Variants in CHMP4A observed in about 807,000 individuals in gnomAD.
CHMP4A encodes the protein charged multivesicular body protein 4A.
Under a neutral mutation model 28.2 loss-of-function variants are expected in CHMP4A, and 29 were observed. The ratio of observed to expected loss-of-function variants is 1.03; its 90% CI spans 0.77 to 1.40. The LOEUF (loss-of-function observed/expected upper bound fraction) is 1.40. CHMP4A is among the 40% of genes most tolerant of loss of function. The pLI is 0.00. For missense variants in CHMP4A, 241 were observed against 263.5 expected, an observed-to-expected ratio of 0.91 and a Z score of 0.59; for synonymous variants, 88 against 99.3, an observed-to-expected ratio of 0.89 and a Z score of 0.67.
chr14:24,210,854 T>C (rs1344351885), intron 3 of CHMP4A, 86 bp from the exon 4 acceptor site: 12 of 954,614 alleles, frequency 1.3e-5, no homozygotes, highest in Non-Finnish European at 2.0e-5. Context: ...CCTCCTGCCT[T>C]GCAGGGTCAC....
Position 24,213,443 on chromosome 14 carries a change from G to A in CHMP4A, c.-4C>T. The A allele has an allele frequency of 6.2e-7, 1 of 1,610,982 alleles. No homozygotes were observed. The highest frequency in any genetic ancestry group is 8.5e-7 in the Non-Finnish European group (1 of 1,179,120). The stretch of plus-strand genomic sequence containing the variant: ...AGAGCCTGCCGAGACCACTCATCGC[G>A]AGCTCGCCTCTCCCGCCTCCGCCCC... On this transcript the variant is annotated 5_prime_UTR_variant, in exon 1 of 6. Transcript: ENST00000347519.
intron 3 of CHMP4A, 128 bp downstream of exon 3, chr14:24,211,287 T>A: frequency 1.3e-6 from 1 of 796,674 alleles, no homozygotes; most frequent in Non-Finnish European, 1.9e-6. Context: ...AAGGGGCAGA[T>A]GGATGTCTAG....
chr14:24,212,753 G>C (rs1455537702), intron 1 of CHMP4A: 1 of 167,618 alleles, frequency 6.0e-6, no homozygotes, highest in African/African-American at 2.5e-5. Context: ...TTTTAGTAGA[G>C]ACAAGGTTTC....
intron 1 of CHMP4A, 170 bp from the exon 2 acceptor site, chr14:24,211,999 A>T (rs2039595740): frequency 3.6e-6 from 2 of 563,222 alleles, no homozygotes; most frequent in African/African-American, 3.7e-5. Flanking sequence ...AACCACAAAG[A>T]TGTTAAAAAT....
At position 24,211,782 on chromosome 14, in the gene CHMP4A, T is replaced by G; in HGVS notation, c.79A>C (p.Lys27Gln). The change falls in exon 2 of 6, where the codon AAG becomes CAG. Residue 27 changes from lysine to glutamine, a missense_variant. Physicochemically the swap from Lys to Gln is moderately conservative, Grantham distance 53. Transcript: ENST00000347519. The stretch of plus-strand genomic sequence containing the variant: ...TTGATCAGTATCTTCTCTGTCTCCT[T>G]CAGTTTCTGTATTGCTTCTTCAGGG... Reference protein sequence around the residue: ...PTPEEAIQKLKETEKILIKKQ... With the variant: ...PTPEEAIQKLQETEKILIKKQ... 6.2e-7 allele frequency: 1 copy of G among 1,614,204 alleles called. No homozygotes were observed. Among genetic ancestry groups the G allele is most frequent in the Non-Finnish European group, 8.5e-7 (1 of 1,180,048 alleles).
chr14:24,211,889 A>G lies in CHMP4A; in HGVS notation c.32-60T>C. 6 of 1,474,140 alleles carry G rather than the reference A, an allele frequency of 4.1e-6. 1 individual carries two copies. The South Asian group carries it at 6.2e-5, about 15-fold the overall frequency. 91.3% of individuals were successfully genotyped at this position (1,474,140 alleles called of 1,614,324 possible). A position where few individuals can be genotyped will look rare whatever the true frequency, so the allele number is the denominator to read the frequency against. On this transcript the variant is annotated intron_variant, in intron 1 of 5. Coordinates refer to ENST00000347519, the MANE Select transcript of CHMP4A (RefSeq NM_014169.5). The stretch of plus-strand genomic sequence containing the variant: ...GAAGGAAAAATATTAGCCACCAATC[A>G]TTGAATACATAGTATGTGCTAGAGA...
At position 24,210,675 on chromosome 14, in the gene CHMP4A, G is replaced by GC. The variant is rs779457072; in HGVS notation, c.452dup (p.Phe152LeufsTer4). ...TCACCTCATCCACATCATCTCCAAA[G>GC]CCCATAGGCCGAGAAATGGCATCTG... is the stretch of plus-strand genomic sequence containing the variant. On this transcript the variant is annotated frameshift_variant, in exon 4 of 6. Coordinates refer to ENST00000347519, the MANE Select transcript of CHMP4A (RefSeq NM_014169.5). LOFTEE classifies it high-confidence loss of function. The GC allele has an allele frequency of 4.3e-6, 7 of 1,613,620 alleles. No individual in the cohort carries two copies. The South Asian group carries it at 7.7e-5, about 18-fold the overall frequency.
Position 24,209,796 on chromosome 14 carries a change from T to A in CHMP4A, c.*81A>T. 7.2e-7 allele frequency: 1 copy of A among 1,391,922 alleles called. No homozygotes were observed. The highest frequency in any genetic ancestry group is 1.0e-6 in the Non-Finnish European group (1 of 978,786). The allele number at this position is 1,391,922 out of a possible 1,614,324, so 86.2% of individuals were successfully genotyped here. On this transcript the variant is annotated 3_prime_UTR_variant, in exon 6 of 6. Coordinates refer to ENST00000347519, the MANE Select transcript of CHMP4A (RefSeq NM_014169.5). ...CCTCAGCATGACTTCCCCAAAAAGTTATCCTCCTTTAGCTCAGCACTTGGC... is the reference window on the plus strand; with the variant it reads ...CCTCAGCATGACTTCCCCAAAAAGTAATCCTCCTTTAGCTCAGCACTTGGC...
At position 24,211,758 on chromosome 14, in the gene CHMP4A, T is replaced by TG. The variant is rs770903534; in HGVS notation, c.102dup (p.Lys35GlnfsTer25). ...TTCTGCTCCAAAAATTCCTGTTTCT[T>TG]GATCAGTATCTTCTCTGTCTCCTTC... On this transcript the variant is annotated frameshift_variant, in exon 2 of 6. Coordinates refer to ENST00000347519, the MANE Select transcript of CHMP4A (RefSeq NM_014169.5). LOFTEE classifies it high-confidence loss of function. 11 of 1,614,230 alleles carry TG rather than the reference T, an allele frequency of 6.8e-6. No individual in the cohort carries two copies. The South Asian group carries it at 1.2e-4, about 18-fold the overall frequency.
Position 24,210,379 on chromosome 14 carries a change from A to C in CHMP4A, c.579T>G (p.Ser193Arg). Residue 193 changes from serine (S) to arginine (R), a missense_variant, in exon 5 of 6, where the codon AGT (serine) becomes AGG (arginine). Coordinates refer to ENST00000347519, the MANE Select transcript of CHMP4A (RefSeq NM_014169.5). ...KEEEPSVKLP[S>R]VPSTHLPAGP... ...CTGCCGGCAGATGAGTAGAAGGTAC[A>C]CTAGGCAATTTGACTGAGGGTTCTT... The C allele has an allele frequency of 6.2e-7, 1 of 1,614,094 alleles. No homozygotes were observed. The highest frequency in any genetic ancestry group is 8.5e-7 in the Non-Finnish European group (1 of 1,179,994).
At chr14:24,210,239 G>T in intron 5 of CHMP4A, 109 bp downstream of exon 5, 1 of 1,418,986 alleles carries the variant, frequency 7.0e-7, no homozygotes, top group Non-Finnish European at 9.6e-7. Flanking sequence ...AACTGCAGCA[G>T]CAGCCCTTTC....
intron 4 of CHMP4A, 59 bp downstream of exon 4, chr14:24,210,595 T>C (rs1594469388): frequency 1.3e-6 from 2 of 1,590,908 alleles, no homozygotes; most frequent in Non-Finnish European, 1.7e-6. Flanking sequence ...CTCTTGGGTG[T>C]TCCTTCTGGC....
intron 3 of CHMP4A, 47 bp downstream of exon 3, chr14:24,211,368 A>C: frequency 6.6e-7 from 1 of 1,525,672 alleles, no homozygotes; most frequent in Non-Finnish European, 9.0e-7. Context: ...ATAGCAAGCC[A>C]CTCTTCCCAG....
intron 5 of CHMP4A, 117 bp from the exon 6 acceptor site, chr14:24,210,052 A>C (rs1286026636): frequency 1.9e-6 from 2 of 1,029,996 alleles, no homozygotes; most frequent in Non-Finnish European, 3.0e-6. Context: ...CCAGCAAAAA[A>C]CCTAAAGGTA....
chr14:24,213,153 C>A (rs368915647), intron 1 of CHMP4A: 15 of 498,046 alleles, frequency 3.0e-5, no homozygotes, highest in African/African-American at 2.6e-4. Flanking sequence ...CAACTCAAGT[C>A]CCCTCCCAGA....
chr14:24,209,934 A>C lies in CHMP4A; in HGVS notation c.612T>G (p.Ala204=). The change falls in exon 6 of 6, where the codon GCT becomes GCG. Residue 204 remains alanine (A), a splice_region_variant and synonymous_variant. Coordinates refer to ENST00000347519, the MANE Select transcript of CHMP4A (RefSeq NM_014169.5). ...CTTCTTCATCTTCATCCACTTTGGG[A>C]GCTTTGAGGACAAAGATACCCAGAG... ...VPSTHLPAGP[A]PKVDEDEEAL... 6.2e-7 allele frequency: 1 copy of C among 1,613,914 alleles called. No individual in the cohort carries two copies. The highest frequency in any genetic ancestry group is 8.5e-7 in the Non-Finnish European group (1 of 1,179,834).
rs1397169372 is a variant in CHMP4A, at chr14:24,211,688, T to C, written c.173A>G (p.Asn58Ser). ...LQTAKKYGTK[N>S]KRAALQALRR... The stretch of plus-strand genomic sequence containing the variant: ...CTTGTTTCCCTCATTACCTCTCTTA[T>C]TCTTGGTCCCATACTTCTTGGCTGT... Residue 58 changes from asparagine to serine, a missense_variant, in exon 2 of 6, where the codon AAT (asparagine) becomes AGT (serine). Transcript: ENST00000347519. 1.2e-6 allele frequency: 2 copies of C among 1,614,102 alleles called. No individual in the cohort carries two copies. Among genetic ancestry groups the C allele is most frequent in the Non-Finnish European group, 1.7e-6 (2 of 1,179,990 alleles).
chr14:24,211,256 C>T (rs561605129), intron 3 of CHMP4A, 159 bp downstream of exon 3: 16 of 614,212 alleles, frequency 2.6e-5, no homozygotes, highest in South Asian at 8.5e-5. Flanking sequence ...CCCCAGGCAG[C>T]GAAAGAATTT....
At chr14:24,211,254 A>G in intron 3 of CHMP4A, 161 bp downstream of exon 3, 2 of 599,116 alleles carry the variant, frequency 3.3e-6, no homozygotes, top group Non-Finnish European at 5.7e-6. Context: ...TGCCCCAGGC[A>G]GCGAAAGAAT....
Sources: allele counts gnomAD v4.1 joint callset, GRCh38; gene constraint gnomAD v4.1.1; transcripts MANE v1.5; gene names NCBI Gene and HGNC (gene_info 2026-07-23, HGNC 2026-07-21).